The following FCHSD2 variants were observed in gnomAD, a reference collection of about 807,000 sequenced individuals.
The protein encoded by FCHSD2 is FCH and double SH3 domains 2, also known as F-BAR and double SH3 domains protein 2.
In FCHSD2, 38 loss-of-function variants were observed where a neutral mutation model predicts 108.1. The ratio of observed to expected loss-of-function variants is 0.35; its 90% CI spans 0.27 to 0.46. FCHSD2 has a LOEUF of 0.46. FCHSD2 is among the 20% of genes least tolerant of loss of function. FCHSD2 has a pLI of 1.00. For missense variants in FCHSD2, 751 were observed against 897.8 expected (o/e 0.84, Z 2.09); for synonymous variants, 279 against 314.7 (o/e 0.89, Z 1.20).
At chr11:73,141,799 A>T in intron 1 of FCHSD2, 58 bp downstream of exon 1, 1 of 1,520,436 alleles carries the variant, frequency 6.6e-7, no homozygotes, top group Non-Finnish European at 8.8e-7. Context: ...CGGTCGCCCC[A>T]GCCGCGTTCC....
At chr11:72,845,266 C>T (rs1390382608) in intron 14 of FCHSD2, among the ~76,000 whole-genome samples, 2 of 151,586 alleles carry the variant, frequency 1.3e-5, no homozygotes, top group Non-Finnish European at 2.9e-5. Context: ...ATGAAAAATA[C>T]AAAAAATTGG....
intron 8 of FCHSD2, among the ~76,000 whole-genome samples, chr11:72,949,481 A>C (rs946119672): frequency 1.4e-4 from 22 of 152,010 alleles, no homozygotes; most frequent in African/African-American, 4.8e-4. Flanking sequence ...AAGAAAGGAA[A>C]GAAAAAGAAA....
intron 10 of FCHSD2, among the ~76,000 whole-genome samples, chr11:72,899,133 T>C (rs1326287433): frequency 6.6e-6 from 1 of 152,192 alleles, no homozygotes; most frequent in Non-Finnish European, 1.5e-5. Flanking sequence ...TAAAATAAAT[T>C]AATATAGGTA....
At chr11:72,931,189 GGTTCAA>G (rs1856183637) in intron 8 of FCHSD2, among the ~76,000 whole-genome samples, 1 of 149,570 alleles carries the variant, frequency 6.7e-6, no homozygotes, top group Admixed American at 6.7e-5. Flanking sequence ...CTGCCTCCCG[GGTTCAA>G]GTGATTCTCC....
At chr11:73,063,765 T>C (rs113560473) in intron 3 of FCHSD2, among the ~76,000 whole-genome samples, 2,058 of 152,186 alleles carry the variant, frequency 0.014, 50 homozygotes, top group African/African-American at 0.045. Context: ...ATGCACCCAA[T>C]ACAGGAGCAT....
intron 4 of FCHSD2, among the ~76,000 whole-genome samples, chr11:73,007,901 T>C (rs1368105777): frequency 1.3e-5 from 2 of 152,240 alleles, no homozygotes; most frequent in Admixed American, 6.5e-5. Flanking sequence ...GTAAGAGCAC[T>C]CTTTGTATTT....
At chr11:72,923,187 C>A (rs1190979027) in intron 8 of FCHSD2, among the ~76,000 whole-genome samples, 1 of 152,054 alleles carries the variant, frequency 6.6e-6, no homozygotes, top group Non-Finnish European at 1.5e-5. Context: ...TATAAATTTG[C>A]CTTTTCCCCA....
intron 8 of FCHSD2, 75 bp downstream of exon 8, chr11:72,984,013 T>C (rs1313324225): frequency 1.6e-5 from 20 of 1,249,596 alleles, no homozygotes; most frequent in South Asian, 9.0e-5. Context: ...TTCAATCCCA[T>C]AAACCCAACA....
At chr11:73,112,143 G>A (rs1860500285) in intron 2 of FCHSD2, among the ~76,000 whole-genome samples, 1 of 152,048 alleles carries the variant, frequency 6.6e-6, no homozygotes, top group African/African-American at 2.4e-5. Context: ...TCTGATTAAA[G>A]AACTCCCTTT....
At chr11:72,984,491 C>T (rs912119430) in intron 7 of FCHSD2, among the ~76,000 whole-genome samples, 1 of 152,112 alleles carries the variant, frequency 6.6e-6, no homozygotes, top group African/African-American at 2.4e-5. Context: ...CCCATTTATT[C>T]AAATGACTAA....
chr11:72,928,983 T>C (rs923941807), intron 8 of FCHSD2, among the ~76,000 whole-genome samples: 1 of 152,180 alleles, frequency 6.6e-6, no homozygotes, highest in African/African-American at 2.4e-5. Flanking sequence ...TTTGGTTTTT[T>C]GTCCTTGCGA....
intron 12 of FCHSD2, among the ~76,000 whole-genome samples, chr11:72,886,364 C>G (rs1463002867): frequency 6.6e-6 from 1 of 152,178 alleles, no homozygotes; most frequent in Non-Finnish European, 1.5e-5. Flanking sequence ...ATCCCCTTTT[C>G]TCTGACTAAT....
At chr11:72,859,131 T>C (rs77907627) in intron 13 of FCHSD2, among the ~76,000 whole-genome samples, 3,390 of 152,268 alleles carry the variant, frequency 0.022, 83 homozygotes, top group African/African-American at 0.06. Context: ...TCTCCCCTTA[T>C]GTGTGGTTTG....
At chr11:72,939,396 A>C (rs749326905) in intron 8 of FCHSD2, among the ~76,000 whole-genome samples, 1 of 152,130 alleles carries the variant, frequency 6.6e-6, no homozygotes, top group Non-Finnish European at 1.5e-5. Flanking sequence ...TTAAATTATT[A>C]AACAAAAATT....
chr11:72,889,955 A>G lies in FCHSD2; in HGVS notation c.925-10T>C, dbSNP rs1855280091. The G allele has an allele frequency of 6.6e-7, 1 of 1,519,604 alleles. No individual in the cohort carries two copies. The highest frequency in any genetic ancestry group is 9.1e-7 in the Non-Finnish European group (1 of 1,094,530). The allele number at this position is 1,519,604 out of a possible 1,614,324, so 94.1% of individuals were successfully genotyped here. A position where few individuals can be genotyped will look rare whatever the true frequency, so the allele number is the denominator to read the frequency against. ...ATTCTAACTGTCGGCTCTACAATAC[A>G]AGAGAGAACAGAGATAAAAATATTG... On this transcript the variant is annotated splice_polypyrimidine_tract_variant and intron_variant, in intron 10 of 19. Coordinates refer to ENST00000409418, the MANE Select transcript of FCHSD2 (RefSeq NM_014824.3).
At chr11:73,017,254 C>G (rs982612167) in intron 3 of FCHSD2, among the ~76,000 whole-genome samples, 2 of 152,202 alleles carry the variant, frequency 1.3e-5, no homozygotes, top group African/African-American at 4.8e-5. Context: ...TCTGGGATTA[C>G]AAGTATGAGT....
At chr11:72,896,563 A>C (rs1855421336) in intron 10 of FCHSD2, among the ~76,000 whole-genome samples, 1 of 152,126 alleles carries the variant, frequency 6.6e-6, no homozygotes, top group African/African-American at 2.4e-5. Flanking sequence ...TCAGATGTAC[A>C]AACTGCCAAG....
chr11:72,933,372 A>G (rs1856233599), intron 8 of FCHSD2, among the ~76,000 whole-genome samples: 1 of 152,224 alleles, frequency 6.6e-6, no homozygotes, highest in African/African-American at 2.4e-5. Context: ...GTGATGAGAA[A>G]TTTGGCAAAG....
Position 73,040,251 on chromosome 11 carries a change from C to T in FCHSD2, c.166-24366G>A, listed in dbSNP as rs117969824. Among the ~76,000 whole-genome samples, 6 of 152,256 alleles carry T rather than the reference C, an allele frequency of 3.9e-5. No individual in the cohort carries two copies. In the East Asian group the frequency reaches 1.2e-3, roughly 29 times the overall value. On this transcript the variant is annotated intron_variant, in intron 3 of 19. Transcript: ENST00000409418. ...AAATGCCAACCAACCCAGCTCTTTT[C>T]CCAGGAACAGGAGAAGCCCTCCTAC...
Sources: allele counts gnomAD v4.1 joint callset (sites outside exome capture counted in the v4.1 genomes callset), GRCh38; gene constraint gnomAD v4.1.1; transcripts MANE v1.5; gene names NCBI Gene and HGNC (gene_info 2026-07-23, HGNC 2026-07-21).